The following ANKRD62 variants were observed in gnomAD, a reference collection of about 807,000 sequenced individuals.
ANKRD62 encodes the protein ankyrin repeat domain-containing protein 62.
Under a neutral mutation model 98.8 loss-of-function variants are expected in ANKRD62, and 61 were observed. The observed-to-expected ratio is 0.62, with a 90% CI of 0.50 to 0.76. ANKRD62 has a LOEUF of 0.76. Among genes scored for constraint, ANKRD62 ranks in the 30% least tolerant of loss-of-function variants. The probability of loss-of-function intolerance (pLI) is 0.00; values close to 1 mark genes in which losing one functional copy is unlikely to be tolerated. For missense variants in ANKRD62, 933 were observed against 1,082.9 expected (o/e 0.86, Z 1.94); for synonymous variants, 341 against 367.9 (o/e 0.93, Z 0.84).
chr18:12,112,066 T>G (rs113251778), intron 8 of ANKRD62, among the ~76,000 whole-genome samples: 1 of 134,618 alleles, frequency 7.4e-6, no homozygotes, highest in African/African-American at 2.9e-5. Context: ...GCAGAGATCA[T>G]GCCATTGTGC....
intron 7 of ANKRD62, among the ~76,000 whole-genome samples, chr18:12,106,098 A>G (rs1283068584): frequency 2.0e-5 from 3 of 152,208 alleles, no homozygotes; most frequent in Non-Finnish European, 4.4e-5. Context: ...ATTTAACTCA[A>G]TATGTTAAGG....
chr18:12,138,802 C>T, the ANKRD62 span, among the ~76,000 whole-genome samples: 3 of 152,044 alleles, frequency 2.0e-5, no homozygotes, highest in African/African-American at 4.8e-5. Flanking sequence ...ATGTAATGGC[C>T]ATCTTTGTCT....
the ANKRD62 span, among the ~76,000 whole-genome samples, chr18:12,172,460 T>A: frequency 6.7e-6 from 1 of 149,590 alleles, no homozygotes; most frequent in Non-Finnish European, 1.5e-5. Context: ...AGAACAGCAA[T>A]GTTGCTTCCT....
At chr18:12,168,506 G>A in the ANKRD62 span, among the ~76,000 whole-genome samples, 1 of 152,014 alleles carries the variant, frequency 6.6e-6, no homozygotes, top group Non-Finnish European at 1.5e-5. Context: ...CTCTGTTTTG[G>A]TACCATTACC....
chr18:12,159,471 A>T, the ANKRD62 span, among the ~76,000 whole-genome samples: 1 of 152,214 alleles, frequency 6.6e-6, no homozygotes, highest in Non-Finnish European at 1.5e-5. Flanking sequence ...GTGGAGACCA[A>T]TAGTTAGATT....
rs913279537 is a variant in ANKRD62 at position 12,096,220 on chromosome 18, G to A, written c.532G>A (p.Ala178Thr). 15 of 1,534,298 alleles carry A rather than the reference G, an allele frequency of 9.8e-6. No homozygotes were observed. The highest frequency in any genetic ancestry group is 2.7e-5 in the African/African-American group (2 of 72,798). ...SQDGHTSLLL[A>T]VNRKKEQMVA... Reference sequence around the variant, plus strand: ...GGATGGACATACATCACTTTTACTCGCTGTAAATAGGAAAAAAGAGCAAAT... The same window carrying A: ...GGATGGACATACATCACTTTTACTCACTGTAAATAGGAAAAAAGAGCAAAT... Residue 178 changes from alanine (A) to threonine (T), a missense_variant, in exon 4 of 14, where the codon GCT becomes ACT. Physicochemically the swap from Ala to Thr is moderately conservative, Grantham distance 58. Transcript: ENST00000587848.
chr18:12,181,393 A>G, the ANKRD62 span, among the ~76,000 whole-genome samples: 2 of 152,244 alleles, frequency 1.3e-5, no homozygotes, highest in African/African-American at 2.4e-5. Context: ...TTACAGGACA[A>G]CTACCTTATA....
chr18:12,159,799 AT>A, the ANKRD62 span, among the ~76,000 whole-genome samples: 2 of 152,204 alleles, frequency 1.3e-5, no homozygotes, highest in South Asian at 2.1e-4. Context: ...TTAGCTTATT[AT>A]TTTTTACCAT....
At position 12,115,390 on chromosome 18, in the gene ANKRD62, T is replaced by C. The variant is rs1348569759; in HGVS notation, c.1099-3T>C. On this transcript the variant is annotated splice_region_variant and splice_polypyrimidine_tract_variant and intron_variant, in intron 9 of 13. Transcript: ENST00000587848. ...TTTTGAAACAGTGTTATTTATTTTA[T>C]AGGTTAAAAGCCAAATATATTTCAC... The C allele has an allele frequency of 1.3e-5, 20 of 1,529,198 alleles. No homozygotes were observed. The highest frequency in any genetic ancestry group is 1.7e-5 in the Non-Finnish European group (20 of 1,143,312). 94.7% of individuals were successfully genotyped at this position (1,529,198 alleles called of 1,614,324 possible).
chr18:12,163,902 C>T, the ANKRD62 span, among the ~76,000 whole-genome samples: 7 of 151,856 alleles, frequency 4.6e-5, no homozygotes, highest in South Asian at 2.1e-4. Context: ...AATATATTGT[C>T]GAATTCTGGT....
the ANKRD62 span, among the ~76,000 whole-genome samples, chr18:12,136,455 C>T: frequency 1.3e-5 from 2 of 152,024 alleles, no homozygotes; most frequent in Admixed American, 6.6e-5. Context: ...AGCCTTGTAG[C>T]ATAGTTTGAA....
chr18:12,094,166 A>T lies in ANKRD62; in HGVS notation c.149A>T (p.Asp50Val), dbSNP rs1185224932. ...GMIHKAAIAG[D>V]VNKVMESILL... ...ATCCACAAAGCTGCCATCGCAGGTG[A>T]TGTGAACAAGGTGATGGAGAGCATC... The change falls in exon 1 of 14, where the codon GAT (aspartate) becomes GTT (valine). Residue 50 changes from aspartate to valine, a missense_variant. By Grantham distance (152) the Asp-to-Val change is radical. Transcript: ENST00000587848. The T allele has an allele frequency of 6.5e-7, 1 of 1,532,818 alleles. No homozygotes were observed. The highest frequency in any genetic ancestry group is 1.2e-5 in the South Asian group (1 of 83,770). 95.0% of individuals were successfully genotyped at this position (1,532,818 alleles called of 1,614,324 possible).
chr18:12,136,325 G>C, the ANKRD62 span, among the ~76,000 whole-genome samples: 42,858 of 150,618 alleles, frequency 0.28, 6,952 homozygotes, highest in Middle Eastern at 0.38. Context: ...GCTTGTTTTT[G>C]TCCGGTTTGT....
intron 8 of ANKRD62, among the ~76,000 whole-genome samples, chr18:12,111,535 G>A (rs938351337): frequency 5.3e-5 from 8 of 152,084 alleles, no homozygotes; most frequent in Non-Finnish European, 7.4e-5. Flanking sequence ...TCTTTTCAAC[G>A]TAGTATTGTA....
rs988401243 is a variant in ANKRD62 at position 12,094,244 on chromosome 18, A to T, written c.218+9A>T. The T allele has an allele frequency of 3.9e-6, 6 of 1,519,076 alleles. No homozygotes were observed. The African/African-American group carries it at 9.0e-5, about 23-fold the overall frequency. 94.1% of individuals were successfully genotyped at this position (1,519,076 alleles called of 1,614,324 possible). Reference sequence around the variant, plus strand: ...AGGGACAAGAAGAACAGGTAAGGGGAACAGGAAGCCGGGAGGAGGCCTGGG... The same window carrying T: ...AGGGACAAGAAGAACAGGTAAGGGGTACAGGAAGCCGGGAGGAGGCCTGGG... On this transcript the variant is annotated intron_variant, in intron 1 of 13. Transcript: ENST00000587848.
the ANKRD62 span, among the ~76,000 whole-genome samples, chr18:12,145,021 T>C: frequency 6.6e-6 from 1 of 151,674 alleles, no homozygotes; most frequent in East Asian, 1.9e-4. Flanking sequence ...CCTATGCCTG[T>C]AGTCCCAGCT....
the ANKRD62 span, among the ~76,000 whole-genome samples, chr18:12,151,306 C>G: frequency 3.3e-5 from 5 of 152,240 alleles, no homozygotes; most frequent in South Asian, 8.3e-4. Flanking sequence ...TAGAGATCTA[C>G]AAAGAGACAT....
the ANKRD62 span, among the ~76,000 whole-genome samples, chr18:12,161,465 C>A: frequency 1.4e-4 from 15 of 104,966 alleles, no homozygotes; most frequent in African/African-American, 5.3e-4. Context: ...TTGGTACAGG[C>A]GTGCAATGCA....
At chr18:12,151,335 A>G in the ANKRD62 span, among the ~76,000 whole-genome samples, 1 of 152,204 alleles carries the variant, frequency 6.6e-6, no homozygotes, top group Non-Finnish European at 1.5e-5. Context: ...TCAAAATAAT[A>G]GTGGGAGACT....
Sources: gnomAD v4.1 joint callset for allele counts (sites outside exome capture counted in the v4.1 genomes callset) on GRCh38, gnomAD v4.1.1 for gene constraint, MANE v1.5 for transcripts, NCBI Gene and HGNC (gene_info 2026-07-23, HGNC 2026-07-21) for gene names.